Variants in ZBTB7C observed in about 807,000 individuals in gnomAD.
ZBTB7C encodes the protein zinc finger and BTB domain containing 7C.
Under a neutral mutation model 25.7 loss-of-function variants are expected in ZBTB7C, and 8 were observed. The ratio of observed to expected loss-of-function variants is 0.31; its 90% CI spans 0.18 to 0.56. The LOEUF (loss-of-function observed/expected upper bound fraction) is 0.56, where lower values mean the gene tolerates loss of function less well. ZBTB7C is among the 20% of genes least tolerant of loss of function. ZBTB7C has a pLI of 0.91. For missense variants in ZBTB7C, 824 were observed against 855.2 expected (o/e 0.96, Z 0.46); for synonymous variants, 394 against 369.0 (o/e 1.07, Z -0.78).
intron 3 of ZBTB7C, among the ~76,000 whole-genome samples, chr18:48,177,847 T>C (rs571218044): frequency 6.6e-6 from 1 of 152,214 alleles, no homozygotes; most frequent in East Asian, 1.9e-4. Flanking sequence ...GGGCCCTAGG[T>C]GGAGAATGGA....
chr18:48,196,047 CCTGTCCCAAGT>C (rs1283698242), intron 2 of ZBTB7C, among the ~76,000 whole-genome samples: 4 of 152,202 alleles, frequency 2.6e-5, no homozygotes, highest in Non-Finnish European at 4.4e-5. Context: ...CAGCAGCCTT[CCTGTCCCAAGT>C]GTTCCTCTAG....
chr18:48,324,217 C>T (rs1480468134), intron 2 of ZBTB7C, among the ~76,000 whole-genome samples: 1 of 152,074 alleles, frequency 6.6e-6, no homozygotes, highest in African/African-American at 2.4e-5. Flanking sequence ...AACAGGGGCC[C>T]AACCCAGCCC....
At chr18:48,137,149 G>A (rs1201591793) in intron 3 of ZBTB7C, 2 of 985,336 alleles carry the variant, frequency 2.0e-6, no homozygotes, top group African/African-American at 1.7e-5. Flanking sequence ...CGTGCTGGGC[G>A]AGTTAAGCCA....
intron 1 of ZBTB7C, among the ~76,000 whole-genome samples, chr18:48,359,516 G>T (rs775457009): frequency 9.2e-5 from 14 of 152,174 alleles, no homozygotes; most frequent in Non-Finnish European, 1.3e-4. Context: ...AGACAGGCCA[G>T]ATGTACGAAG....
At chr18:48,153,790 G>A (rs918189575) in intron 3 of ZBTB7C, among the ~76,000 whole-genome samples, 1 of 152,182 alleles carries the variant, frequency 6.6e-6, no homozygotes, top group Non-Finnish European at 1.5e-5. Flanking sequence ...CAAAGCTCCT[G>A]GCCTCATGAA....
Position 48,248,335 on chromosome 18 carries a change from T to C in ZBTB7C, c.-78-62340A>G, listed in dbSNP as rs115332758. 9.0e-3 allele frequency among the ~76,000 whole-genome samples: 1,377 copies of C among 152,318 alleles called. 16 individuals carry two copies. The highest frequency in any genetic ancestry group is 0.031 in the African/African-American group (1,290 of 41,570). ...TTACCCAGTCTCAGACAGTTCTTTA[T>C]AGCAGTGAGAGAACAAACTAATACA... On this transcript the variant is annotated intron_variant, in intron 2 of 4. Transcript: ENST00000590800.
At chr18:48,205,610 A>G (rs1465015623) in intron 2 of ZBTB7C, among the ~76,000 whole-genome samples, 3 of 151,980 alleles carry the variant, frequency 2.0e-5, no homozygotes, top group African/African-American at 4.8e-5. Context: ...TTTAAGTCTT[A>G]TATGTTTAGT....
At position 48,103,112 on chromosome 18, in the gene ZBTB7C, T is replaced by TTATCTATCTATCTATCTATC. The variant is rs61043835; in HGVS notation, c.-16-62009_-16-61990dup. Among the ~76,000 whole-genome samples the TTATCTATCTATCTATCTATC allele has an allele frequency of 3.1e-3, 400 of 130,956 alleles. 3 individuals are homozygous for TTATCTATCTATCTATCTATC. Among genetic ancestry groups the TTATCTATCTATCTATCTATC allele is most frequent in the Admixed American group, 5.3e-3 (63 of 11,934 alleles). 85.9% of individuals were successfully genotyped at this position (130,956 alleles called of 152,430 possible). On this transcript the variant is annotated intron_variant, in intron 3 of 4. Coordinates refer to ENST00000590800, the MANE Select transcript of ZBTB7C (RefSeq NM_001318841.2). ...TCTTATATATATTATATATTTTATA[T>TTATCTATCTATCTATCTATC]TATCTATCTATCTATCTATCTATCT... is the stretch of plus-strand genomic sequence containing the variant.
intron 2 of ZBTB7C, among the ~76,000 whole-genome samples, chr18:48,291,870 G>T (rs1401223125): frequency 6.6e-6 from 1 of 152,098 alleles, no homozygotes; most frequent in Non-Finnish European, 1.5e-5. Context: ...TCTCTGCTAG[G>T]AGAGACTCCA....
intron 2 of ZBTB7C, among the ~76,000 whole-genome samples, chr18:48,237,592 A>G (rs12606216): frequency 0.12 from 18,097 of 152,126 alleles, 2,581 homozygotes; most frequent in East Asian, 0.67. Context: ...AAGATGAGAC[A>G]ATGGGTAATA....
At chr18:48,368,058 C>G (rs1235291626) in intron 1 of ZBTB7C, among the ~76,000 whole-genome samples, 1 of 151,700 alleles carries the variant, frequency 6.6e-6, no homozygotes, top group East Asian at 1.9e-4. Flanking sequence ...TCAAAAATTA[C>G]TTATCATACC....
intron 3 of ZBTB7C, among the ~76,000 whole-genome samples, chr18:48,044,326 A>G (rs977127933): frequency 3.9e-5 from 6 of 152,222 alleles, no homozygotes; most frequent in Non-Finnish European, 7.4e-5. Context: ...GCCACCTCCT[A>G]CATCTCCACA....
intron 3 of ZBTB7C, among the ~76,000 whole-genome samples, chr18:48,089,593 C>T (rs141841391): frequency 6.6e-6 from 1 of 151,942 alleles, no homozygotes; most frequent in African/African-American, 2.4e-5. Flanking sequence ...TCACATGGTA[C>T]TACGCACACC....
At chr18:48,348,759 G>A (rs1336579715) in intron 1 of ZBTB7C, among the ~76,000 whole-genome samples, 1 of 152,266 alleles carries the variant, frequency 6.6e-6, no homozygotes, top group Non-Finnish European at 1.5e-5. Flanking sequence ...AGAGGTTGCA[G>A]TGAGCTGAGA....
At position 48,367,184 on chromosome 18, in the gene ZBTB7C, TATATATATATATATATATACACACACAC is replaced by T. The variant is rs1341574112; in HGVS notation, c.-303-28814_-303-28787del. 3.4e-3 allele frequency among the ~76,000 whole-genome samples: 71 copies of T among 21,136 alleles called. 2 individuals are homozygous for T. The South Asian group carries it at 0.17, about 50-fold the overall frequency. The allele number at this position is 21,136 out of a possible 152,430, so 13.9% of individuals were successfully genotyped here. A position where few individuals can be genotyped will look rare whatever the true frequency, so the allele number is the denominator to read the frequency against. Reference sequence around the variant, plus strand: ...TTCTTCTCCCCAAGTTTTATATATATATATATATATATATATATACACACACACACACACACACACACACACACATACA... The same window carrying T: ...TTCTTCTCCCCAAGTTTTATATATATACACACACACACACACACACATACA... On this transcript the variant is annotated intron_variant, in intron 1 of 4. Transcript: ENST00000590800.
chr18:48,161,716 C>T (rs2041049606), intron 3 of ZBTB7C, among the ~76,000 whole-genome samples: 1 of 150,094 alleles, frequency 6.7e-6, no homozygotes, highest in South Asian at 2.1e-4. Flanking sequence ...GCCCGGGCGC[C>T]CCGCCCCAGC....
intron 2 of ZBTB7C, among the ~76,000 whole-genome samples, chr18:48,219,119 T>C (rs1279743450): frequency 6.6e-6 from 1 of 152,234 alleles, no homozygotes; most frequent in Non-Finnish European, 1.5e-5. Flanking sequence ...GACTGAGGAA[T>C]GCTGGGTAAA....
intron 2 of ZBTB7C, among the ~76,000 whole-genome samples, chr18:48,214,385 T>C (rs546087989): frequency 6.6e-6 from 1 of 152,360 alleles, no homozygotes; most frequent in Admixed American, 6.5e-5. Context: ...GATGGAATCA[T>C]GCAGTGTTTG....
At chr18:48,399,623 C>G (rs2048114116) in intron 1 of ZBTB7C, among the ~76,000 whole-genome samples, 1 of 152,194 alleles carries the variant, frequency 6.6e-6, no homozygotes, top group Non-Finnish European at 1.5e-5. Context: ...TGGGCCTCGT[C>G]TGAAGCAGTT....
Sources: gnomAD v4.1 joint callset for allele counts (sites outside exome capture counted in the v4.1 genomes callset) on GRCh38, gnomAD v4.1.1 for gene constraint, MANE v1.5 for transcripts, NCBI Gene and HGNC (gene_info 2026-07-23, HGNC 2026-07-21) for gene names.